TBC1D30: variants seen among roughly 807,000 people sequenced by gnomAD.
TBC1D30 encodes the protein TBC1 domain family, member 30.
A neutral mutation model predicts 63.2 loss-of-function variants in TBC1D30; 31 were observed. The ratio of observed to expected loss-of-function variants is 0.49; its 90% confidence interval spans 0.37 to 0.66. The LOEUF (loss-of-function observed/expected upper bound fraction) is 0.66. Ranked by LOEUF, TBC1D30 falls within the 30% of genes least tolerant of loss-of-function variation. TBC1D30 has a pLI of 0.00. For synonymous variants in TBC1D30, 307 were observed against 361.5 expected (o/e 0.85, Z 1.71); for missense variants, 810 against 953.6 (o/e 0.85, Z 1.98).
chr12:64,777,457 A>G (rs1020358104), upstream of TBC1D30, among the ~76,000 whole-genome samples: 1 of 152,316 alleles, frequency 6.6e-6, no homozygotes, highest in African/African-American at 2.4e-5. Flanking sequence ...ATTCCTAAAC[A>G]CCAACAACAG....
At chr12:64,823,899 C>T (rs1271105865), upstream of TBC1D30, among the ~76,000 whole-genome samples, 2 of 152,132 alleles carry the variant, frequency 1.3e-5, no homozygotes, top group Non-Finnish European at 2.9e-5. Flanking sequence ...GTCTCCTCCA[C>T]GATGTTCCTT....
At chr12:64,866,692 G>A in intron 9 of TBC1D30, 72 bp from the exon 10 acceptor site, 1 of 1,388,294 alleles carries the variant, frequency 7.2e-7, no homozygotes, top group South Asian at 1.4e-5. Context: ...TTTAAACCAT[G>A]TAACTGTATT....
chr12:64,858,816 G>A (rs1406429984), intron 8 of TBC1D30, among the ~76,000 whole-genome samples: 4 of 152,144 alleles, frequency 2.6e-5, no homozygotes, highest in Non-Finnish European at 5.9e-5. Flanking sequence ...CTATGTCATC[G>A]GGAGCCTATA....
chr12:64,787,802 A>G (rs1304432504), intron 2 of TBC1D30, among the ~76,000 whole-genome samples: 2 of 152,194 alleles, frequency 1.3e-5, no homozygotes, highest in African/African-American at 2.4e-5. Context: ...TTGGGAGGCC[A>G]AGGTGGGCAG....
chr12:64,844,806 T>C (rs925377399), intron 8 of TBC1D30, among the ~76,000 whole-genome samples: 12 of 151,968 alleles, frequency 7.9e-5, no homozygotes, highest in Non-Finnish European at 1.5e-4. Context: ...TTTCACTTAA[T>C]ATAATGACCT....
chr12:64,776,875 C>A (rs1205251017), upstream of TBC1D30, among the ~76,000 whole-genome samples: 1 of 152,166 alleles, frequency 6.6e-6, no homozygotes, highest in African/African-American at 2.4e-5. Context: ...TACTGGCAAA[C>A]TGAATCCAGC....
chr12:64,785,147 C>CTTTTTTTT (rs3033154), intron 1 of TBC1D30, among the ~76,000 whole-genome samples: 3 of 134,844 alleles, frequency 2.2e-5, no homozygotes, highest in Non-Finnish European at 4.7e-5. Context: ...ACTTTAAAGA[C>CTTTTTTTT]TTTTTTTTTT....
chr12:64,803,038 T>C (rs1307071611), intron 2 of TBC1D30, among the ~76,000 whole-genome samples: 3 of 152,168 alleles, frequency 2.0e-5, no homozygotes, highest in African/African-American at 7.2e-5. Flanking sequence ...GGTCAAATGG[T>C]ATTTCTAGTT....
At chr12:64,838,583 T>C in intron 6 of TBC1D30, 100 bp from the exon 7 acceptor site, 1 of 1,180,204 alleles carries the variant, frequency 8.5e-7, no homozygotes, top group Non-Finnish European at 1.2e-6. Flanking sequence ...AGTCAGGAAA[T>C]ACAACAAATT....
intron 2 of TBC1D30, among the ~76,000 whole-genome samples, chr12:64,817,339 A>G (rs902766233): frequency 6.6e-6 from 1 of 152,238 alleles, no homozygotes; most frequent in African/African-American, 2.4e-5. Context: ...CGTAACTCAA[A>G]TATCATTATT....
chr12:64,843,525 C>T (rs779667964), intron 8 of TBC1D30, 40 bp downstream of exon 8: 54 of 1,484,616 alleles, frequency 3.6e-5, no homozygotes, highest in East Asian at 2.0e-4. Context: ...CGGGGAACCC[C>T]GGGCACGGTG....
chr12:64,864,583 C>G, intron 8 of TBC1D30, 85 bp from the exon 9 acceptor site: 1 of 941,612 alleles, frequency 1.1e-6, no homozygotes, highest in Non-Finnish European at 1.6e-6. Context: ...CACTCGACTT[C>G]ATAAAACTTT....
chr12:64,780,832 G>A, exon 1 of TBC1D30: 1 of 996,528 alleles, frequency 1.0e-6, no homozygotes, highest in Non-Finnish European at 1.2e-6. Context: ...CCACCGGCGG[G>A]GGCCGCCCGG....
chr12:64,833,452 C>A (rs762375681), intron 5 of TBC1D30, among the ~76,000 whole-genome samples: 2 of 152,032 alleles, frequency 1.3e-5, no homozygotes, highest in Non-Finnish European at 2.9e-5. Flanking sequence ...ATATTTGAAC[C>A]TTTAAACTGC....
At chr12:64,813,579 T>C (rs917847702) in intron 2 of TBC1D30, among the ~76,000 whole-genome samples, 3 of 152,202 alleles carry the variant, frequency 2.0e-5, no homozygotes, top group African/African-American at 7.2e-5. Flanking sequence ...ACTGCCATTA[T>C]ATCTAGAATT....
chr12:64,853,226 G>A (rs1371253429), intron 8 of TBC1D30, among the ~76,000 whole-genome samples: 1 of 152,132 alleles, frequency 6.6e-6, no homozygotes, highest in African/African-American at 2.4e-5. Context: ...TAGCGACAGC[G>A]GCTTTGCCGA....
intron 2 of TBC1D30, chr12:64,787,282 A>G (rs1871650655): frequency 1.4e-6 from 1 of 700,844 alleles, no homozygotes; most frequent in Non-Finnish European, 1.8e-6. Flanking sequence ...TAATTTTAAA[A>G]TTCTCCATGC....
chr12:64,860,035 T>A (rs931377656), intron 8 of TBC1D30, among the ~76,000 whole-genome samples: 42 of 150,604 alleles, frequency 2.8e-4, no homozygotes, highest in East Asian at 7.8e-4. Context: ...TTTTTTTTTT[T>A]AAAACATGGT....
chr12:64,792,244 G>A (rs1390448202), intron 2 of TBC1D30, among the ~76,000 whole-genome samples: 1 of 152,224 alleles, frequency 6.6e-6, no homozygotes, highest in East Asian at 1.9e-4. Context: ...TCACTGGCAT[G>A]TTAAAAGCTC....
Sources: gnomAD v4.1 joint callset for allele counts (sites outside exome capture counted in the v4.1 genomes callset) on GRCh38, gnomAD v4.1.1 for gene constraint, MANE v1.5 for transcripts, NCBI Gene and HGNC (gene_info 2026-07-23, HGNC 2026-07-21) for gene names.